MROH2A: variants seen among roughly 807,000 people sequenced by gnomAD.
MROH2A encodes the protein maestro heat-like repeat-containing protein family member 2A.
Under a neutral mutation model 200.4 loss-of-function variants are expected in MROH2A, and 174 were observed. The ratio of observed to expected loss-of-function variants is 0.87; its 90% CI spans 0.77 to 0.98. The LOEUF (loss-of-function observed/expected upper bound fraction) is 0.98. Ranked by LOEUF, MROH2A falls within the 50% of genes least tolerant of loss-of-function variation. The probability of loss-of-function intolerance (pLI) is 0.00; values close to 1 mark genes in which losing one functional copy is unlikely to be tolerated. For synonymous variants in MROH2A, 829 were observed against 840.4 expected (o/e 0.99, Z 0.23); for missense variants, 2,045 against 2,139.6 (o/e 0.96, Z 0.87).
At chr2:233,811,004 C>T in intron 23 of MROH2A, 88 bp downstream of exon 23, 1 of 1,437,050 alleles carries the variant, frequency 7.0e-7, no homozygotes, top group East Asian at 2.5e-5. Flanking sequence ...TTCCTGAGGG[C>T]ATCTGCAGAG....
rs573849192 is a variant in MROH2A, at chr2:233,803,428, G to T, written c.1709-20G>T. ...TACAAGCCAGGAAGGCTCAGCTGGG[G>T]TTGCATTTCCTTCAATCAGTGGACC... On this transcript the variant is annotated intron_variant, in intron 15 of 41. Transcript: ENST00000389758. 1.4e-5 allele frequency: 22 copies of T among 1,550,328 alleles called. No homozygotes were observed. The Admixed American group carries it at 3.3e-4, about 23-fold the overall frequency.
At chr2:233,798,460 C>T (rs945909070) in intron 11 of MROH2A, among the ~76,000 whole-genome samples, 1 of 152,216 alleles carries the variant, frequency 6.6e-6, no homozygotes, top group Non-Finnish European at 1.5e-5. Flanking sequence ...CCACTGCATG[C>T]CCACTTCATG....
At chr2:233,791,615 C>T (rs573479914) in intron 5 of MROH2A, among the ~76,000 whole-genome samples, 71 of 152,124 alleles carry the variant, frequency 4.7e-4, no homozygotes, top group African/African-American at 1.5e-3. Context: ...CATTGATATC[C>T]GGGAGTGAAA....
At chr2:233,826,520 T>A (rs1704319915) in intron 35 of MROH2A, among the ~76,000 whole-genome samples, 1 of 152,234 alleles carries the variant, frequency 6.6e-6, no homozygotes, top group Non-Finnish European at 1.5e-5. Flanking sequence ...GCTATCCATT[T>A]GCAGAAAATT....
Position 233,793,779 on chromosome 2 carries a change from G to C in MROH2A, c.777G>C (p.Met259Ile). The C allele has an allele frequency of 6.7e-7, 1 of 1,490,158 alleles. No homozygotes were observed. The highest frequency in any genetic ancestry group is 8.9e-7 in the Non-Finnish European group (1 of 1,117,440). 92.3% of individuals were successfully genotyped at this position (1,490,158 alleles called of 1,614,324 possible). Reference protein sequence around the residue: ...EEEFALKVFPMYRYFVTVWLR... With the variant: ...EEEFALKVFPIYRYFVTVWLR... Reference sequence around the variant, plus strand: ...AGTTTGCCCTGAAGGTGTTCCCCATGTATCGCTACTTCGTGACAGTGTGGC... The same window carrying C: ...AGTTTGCCCTGAAGGTGTTCCCCATCTATCGCTACTTCGTGACAGTGTGGC... Residue 259 changes from methionine to isoleucine, a missense_variant, in exon 7 of 42, where the codon ATG becomes ATC. Met to Ile is a conservative substitution (Grantham distance 10, BLOSUM62 1). Coordinates refer to ENST00000389758, the MANE Select transcript of MROH2A (RefSeq NM_001394639.1).
In MROH2A at chr2:233,803,874, G is replaced by A. The variant is rs1702629353; in HGVS notation, c.1750-177G>A. On this transcript the variant is annotated intron_variant, in intron 16 of 41. Transcript: ENST00000389758. Reference sequence around the variant, plus strand: ...GGGGTGGGGAGGGAGCCCAGGTCTAGCCCCCATCCCCCATCCTTCCTGTAG... The same window carrying A: ...GGGGTGGGGAGGGAGCCCAGGTCTAACCCCCATCCCCCATCCTTCCTGTAG... Among the ~76,000 whole-genome samples the A allele has an allele frequency of 1.3e-5, 2 of 152,096 alleles. 1 individual carries two copies. Among genetic ancestry groups the A allele is most frequent in the South Asian group, 4.2e-4 (2 of 4,814 alleles).
Position 233,829,783 on chromosome 2 carries a change from A to G in MROH2A, c.4602+8A>G. 2.2e-6 allele frequency: 3 copies of G among 1,351,906 alleles called. No homozygotes were observed. Among genetic ancestry groups the G allele is most frequent in the Non-Finnish European group, 1.9e-6 (2 of 1,044,492 alleles). The allele number at this position is 1,351,906 out of a possible 1,614,324, so 83.7% of individuals were successfully genotyped here. A position where few individuals can be genotyped will look rare whatever the true frequency, so the allele number is the denominator to read the frequency against. On this transcript the variant is annotated splice_region_variant and intron_variant, in intron 38 of 41. Transcript: ENST00000389758. ...TGCTCCAATGCAGCCCAAGTAAGAT[A>G]CATCCTGGGCTTTGTGTCCCAGTCT...
Position 233,823,011 on chromosome 2 carries a change from C to A in MROH2A, c.3997C>A (p.Leu1333Met). 1 of 1,550,232 alleles carries A rather than the reference C, an allele frequency of 6.5e-7. No individual in the cohort carries two copies. The highest frequency in any genetic ancestry group is 8.7e-7 in the Non-Finnish European group (1 of 1,146,914). Residue 1333 changes from leucine to methionine, a missense_variant, in exon 34 of 42, where the codon CTG becomes ATG. Coordinates refer to ENST00000389758, the MANE Select transcript of MROH2A (RefSeq NM_001394639.1). ...GACATTCCTGGAGGGTGTGAGCCTG[C>A]TGGCCAGGTGGGCCCTGGCTCCCAC... ...GGTFLEGVSL[L>M]ARLCMQHVEG...
chr2:233,796,300 A>C lies in MROH2A; in HGVS notation c.1239A>C (p.Ile413=). Residue 413 remains isoleucine, a synonymous_variant, in exon 11 of 42, where the codon ATA becomes ATC. Coordinates refer to ENST00000389758, the MANE Select transcript of MROH2A (RefSeq NM_001394639.1). ...RVGTLNLIRA[I]VSADEPRMSI... Reference sequence around the variant, plus strand: ...GGACTCTGAATCTGATTAGGGCTATAGTGAGCGCAGATGGTGAGCAAGGCA... The same window carrying C: ...GGACTCTGAATCTGATTAGGGCTATCGTGAGCGCAGATGGTGAGCAAGGCA... 1 of 1,189,998 alleles carries C rather than the reference A, an allele frequency of 8.4e-7. No homozygotes were observed. The highest frequency in any genetic ancestry group is 1.1e-6 in the Non-Finnish European group (1 of 919,214). 73.7% of individuals were successfully genotyped at this position (1,189,998 alleles called of 1,614,324 possible).
At chr2:233,832,535 A>T (rs1453375482) in intron 40 of MROH2A, 44 bp from the exon 41 acceptor site, 1 of 1,386,466 alleles carries the variant, frequency 7.2e-7, no homozygotes, top group East Asian at 2.5e-5. Flanking sequence ...TTGCCTGCTG[A>T]CCTAATACTC....
intron 3 of MROH2A, among the ~76,000 whole-genome samples, chr2:233,786,786 A>G (rs1575899475): frequency 6.6e-6 from 1 of 152,306 alleles, no homozygotes; most frequent in Non-Finnish European, 1.5e-5. Flanking sequence ...AACAGACAAT[A>G]AACAAATAGG....
At chr2:233,801,854 AG>A (rs1702495678) in intron 14 of MROH2A, among the ~76,000 whole-genome samples, 1 of 152,148 alleles carries the variant, frequency 6.6e-6, no homozygotes, top group Non-Finnish European at 1.5e-5. Context: ...TTGGGATCAG[AG>A]GGAGGGCCCT....
chr2:233,799,947 G>A, intron 13 of MROH2A, 48 bp downstream of exon 13: 1 of 1,549,332 alleles, frequency 6.5e-7, no homozygotes, highest in Non-Finnish European at 8.7e-7. Flanking sequence ...ACTTGGAAAT[G>A]GTTTCCACAG....
chr2:233,788,002 T>C (rs1257429946), intron 3 of MROH2A, among the ~76,000 whole-genome samples: 20 of 76,374 alleles, frequency 2.6e-4, no homozygotes, highest in South Asian at 3.6e-4. Context: ...ATATTATATA[T>C]ATACATATAT....
intron 10 of MROH2A, 65 bp from the exon 11 acceptor site, chr2:233,796,135 G>A: frequency 6.6e-7 from 1 of 1,517,608 alleles, no homozygotes; most frequent in Non-Finnish European, 8.9e-7. Flanking sequence ...CTGGGCCTGG[G>A]ACTGCCTTGC....
chr2:233,790,344 C>T (rs938641357), intron 5 of MROH2A, among the ~76,000 whole-genome samples: 4 of 147,168 alleles, frequency 2.7e-5, no homozygotes, highest in South Asian at 4.5e-4. Context: ...GCCTTACTTA[C>T]TCCTTCCTCT....
At chr2:233,832,727 A>C in intron 41 of MROH2A, 83 bp downstream of exon 41, 1 of 562,660 alleles carries the variant, frequency 1.8e-6, no homozygotes, top group Non-Finnish European at 3.1e-6. Context: ...TCAAGGGAAG[A>C]GCCAGAGGAC....
intron 5 of MROH2A, 73 bp downstream of exon 5, chr2:233,790,087 T>C: frequency 7.5e-7 from 1 of 1,340,484 alleles, no homozygotes; most frequent in Non-Finnish European, 1.0e-6. Flanking sequence ...CCCTCCCATC[T>C]ATCCCTATGT....
In MROH2A at chr2:233,788,751, C is replaced by T. The variant is rs1701529982; in HGVS notation, c.277-746C>T. Among the ~76,000 whole-genome samples the T allele has an allele frequency of 2.6e-5, 4 of 151,948 alleles. 2 individuals are homozygous for T. The South Asian group carries it at 8.3e-4, about 31-fold the overall frequency. Reference sequence around the variant, plus strand: ...AGGAGATGGAGACCATCTTGGCTAACACGGTGAAACCCCGTCTCTACTAAA... The same window carrying T: ...AGGAGATGGAGACCATCTTGGCTAATACGGTGAAACCCCGTCTCTACTAAA... On this transcript the variant is annotated intron_variant, in intron 3 of 41. Transcript: ENST00000389758.
Sources: allele counts gnomAD v4.1 joint callset (sites outside exome capture counted in the v4.1 genomes callset), GRCh38; gene constraint gnomAD v4.1.1; transcripts MANE v1.5; gene names NCBI Gene and HGNC (gene_info 2026-07-23, HGNC 2026-07-21).